The following LHFPL3 variants were observed in gnomAD, a reference collection of about 807,000 sequenced individuals.
The protein encoded by LHFPL3 is LHFPL tetraspan subfamily member 3.
LHFPL3 carries 5 observed loss-of-function variants against 19.3 expected under a neutral mutation model. The ratio of observed to expected loss-of-function variants is 0.26; its 90% CI spans 0.14 to 0.54. The LOEUF is 0.54. Ranked by LOEUF, LHFPL3 falls within the 20% of genes least tolerant of loss-of-function variation. LHFPL3 has a pLI of 0.94. For synonymous variants in LHFPL3, 133 were observed against 126.2 expected (o/e 1.05, Z -0.36); for missense variants, 249 against 307.4 (o/e 0.81, Z 1.42).
At chr7:104,519,934 T>C (rs1414218578) in intron 1 of LHFPL3, among the ~76,000 whole-genome samples, 1 of 152,098 alleles carries the variant, frequency 6.6e-6, no homozygotes, top group East Asian at 1.9e-4. Flanking sequence ...TCTCGGGACT[T>C]CTGCATTGTC....
At chr7:104,768,290 G>A (rs1794494502) in intron 2 of LHFPL3, among the ~76,000 whole-genome samples, 1 of 152,280 alleles carries the variant, frequency 6.6e-6, no homozygotes, top group East Asian at 1.9e-4. Flanking sequence ...AGAAGTTGCT[G>A]GGAACACTTT....
intron 1 of LHFPL3, chr7:104,668,378 C>T: frequency 6.3e-7 from 1 of 1,592,578 alleles, no homozygotes. Context: ...CCTTTGATGA[C>T]TACCCACCTA....
chr7:104,890,386 T>G (rs1489259148), intron 2 of LHFPL3, among the ~76,000 whole-genome samples: 1 of 152,192 alleles, frequency 6.6e-6, no homozygotes, highest in Non-Finnish European at 1.5e-5. Context: ...ATCTTAATCT[T>G]TGCTCCATCC....
chr7:104,809,404 G>C (rs1171436902), intron 2 of LHFPL3, among the ~76,000 whole-genome samples: 1 of 152,194 alleles, frequency 6.6e-6, no homozygotes, highest in South Asian at 2.1e-4. Flanking sequence ...ACTTAGGAGA[G>C]CAGATAAGGT....
chr7:104,462,590 A>G lies in LHFPL3; in HGVS notation c.445+133366A>G, dbSNP rs544615291. Reference sequence around the variant, plus strand: ...ACCTTGTATCCCGGGAATGAAGCCTATTTGATCATGGTGGATTAGCTTTTT... The same window carrying G: ...ACCTTGTATCCCGGGAATGAAGCCTGTTTGATCATGGTGGATTAGCTTTTT... On this transcript the variant is annotated intron_variant, in intron 1 of 2. Coordinates refer to ENST00000424859, the MANE Select transcript of LHFPL3 (RefSeq NM_199000.3). Among the ~76,000 whole-genome samples the G allele has an allele frequency of 3.9e-5, 6 of 152,298 alleles. No individual in the cohort carries two copies. The East Asian group carries it at 1.2e-3, about 29-fold the overall frequency.
chr7:104,704,524 CTTTT>C (rs200846185), intron 1 of LHFPL3, among the ~76,000 whole-genome samples: 1 of 146,668 alleles, frequency 6.8e-6, no homozygotes, highest in African/African-American at 2.5e-5. Context: ...GGATAGAGTA[CTTTT>C]TTTTTTTTTA....
intron 2 of LHFPL3, among the ~76,000 whole-genome samples, chr7:104,747,580 A>G (rs1412794455): frequency 2.0e-5 from 3 of 152,226 alleles, no homozygotes; most frequent in African/African-American, 7.2e-5. Flanking sequence ...AGTGTCAAGC[A>G]AATATAAGTA....
chr7:104,709,276 G>A (rs537555200), intron 1 of LHFPL3, among the ~76,000 whole-genome samples: 9 of 144,322 alleles, frequency 6.2e-5, no homozygotes, highest in African/African-American at 1.8e-4. Context: ...GGTGTTTCTC[G>A]GAGAGGGGGA....
chr7:104,872,658 A>G (rs1224379623), intron 2 of LHFPL3, among the ~76,000 whole-genome samples: 1 of 152,080 alleles, frequency 6.6e-6, no homozygotes, highest in African/African-American at 2.4e-5. Context: ...AGAAAAAAAA[A>G]AAACTAAGAC....
At chr7:104,851,703 A>C (rs1239287461) in intron 2 of LHFPL3, among the ~76,000 whole-genome samples, 1 of 152,162 alleles carries the variant, frequency 6.6e-6, no homozygotes, top group African/African-American at 2.4e-5. Flanking sequence ...TTCATGGGGT[A>C]CTGATTTCTT....
At chr7:104,807,623 A>G (rs1790388521) in intron 2 of LHFPL3, among the ~76,000 whole-genome samples, 1 of 152,214 alleles carries the variant, frequency 6.6e-6, no homozygotes. Context: ...AGTTCTCAGT[A>G]AGAGTTAATG....
intron 1 of LHFPL3, among the ~76,000 whole-genome samples, chr7:104,659,601 G>C (rs1792186243): frequency 6.6e-6 from 1 of 152,178 alleles, no homozygotes. Flanking sequence ...GGAATGATTT[G>C]AGTCCCTGAC....
At chr7:104,510,435 T>C (rs1257561495) in intron 1 of LHFPL3, among the ~76,000 whole-genome samples, 1 of 152,112 alleles carries the variant, frequency 6.6e-6, no homozygotes, top group Non-Finnish European at 1.5e-5. Flanking sequence ...GTTGCAAAAG[T>C]ATTTTAACGG....
At chr7:104,517,754 C>A (rs1793949643) in intron 1 of LHFPL3, among the ~76,000 whole-genome samples, 1 of 152,062 alleles carries the variant, frequency 6.6e-6, no homozygotes, top group South Asian at 2.1e-4. Context: ...GTGATCTACC[C>A]ACCTTGGCCT....
At chr7:104,545,845 T>C (rs1282841981) in intron 1 of LHFPL3, among the ~76,000 whole-genome samples, 2 of 152,226 alleles carry the variant, frequency 1.3e-5, no homozygotes, top group Non-Finnish European at 2.9e-5. Flanking sequence ...TGGGTCAGCA[T>C]CCTGCCTCCA....
intron 1 of LHFPL3, among the ~76,000 whole-genome samples, chr7:104,620,383 T>C (rs1394160548): frequency 6.6e-6 from 1 of 152,236 alleles, no homozygotes; most frequent in Non-Finnish European, 1.5e-5. Flanking sequence ...ACTAAACCCT[T>C]TTGGCTATAT....
chr7:104,565,919 A>G (rs1208399161), intron 1 of LHFPL3, among the ~76,000 whole-genome samples: 2 of 152,216 alleles, frequency 1.3e-5, no homozygotes, highest in East Asian at 3.8e-4. Flanking sequence ...TATATGTGAC[A>G]GAGCCAACAA....
At chr7:104,674,905 A>C (rs1792563073) in intron 1 of LHFPL3, among the ~76,000 whole-genome samples, 1 of 152,250 alleles carries the variant, frequency 6.6e-6, no homozygotes, top group Non-Finnish European at 1.5e-5. Context: ...GATATAGAAG[A>C]TCTGAGAAAT....
At chr7:104,359,981 T>A (rs1313321724) in intron 1 of LHFPL3, among the ~76,000 whole-genome samples, 1 of 152,270 alleles carries the variant, frequency 6.6e-6, no homozygotes, top group African/African-American at 2.4e-5. Flanking sequence ...CAGAAGTTAG[T>A]AACTTACCCA....
Sources: allele counts gnomAD v4.1 joint callset (sites outside exome capture counted in the v4.1 genomes callset), GRCh38; gene constraint gnomAD v4.1.1; transcripts MANE v1.5; gene names NCBI Gene and HGNC (gene_info 2026-07-23, HGNC 2026-07-21).